GPR84: variants seen among roughly 807,000 people sequenced by gnomAD.
The protein encoded by GPR84 is G-protein coupled receptor 84.
GPR84 carries 8 observed loss-of-function variants against 14.9 expected under a neutral mutation model. The ratio of observed to expected loss-of-function variants is 0.54; its 90% CI spans 0.31 to 0.97. GPR84 has a LOEUF of 0.97. GPR84 is among the 50% of genes least tolerant of loss of function. The pLI is 0.04. For synonymous variants in GPR84, 164 were observed against 198.1 expected (o/e 0.83, Z 1.45); for missense variants, 424 against 498.7 (o/e 0.85, Z 1.43).
downstream of GPR84, among the ~76,000 whole-genome samples, chr12:54,359,624 CAAAG>C (rs774647406): frequency 3.3e-5 from 5 of 152,216 alleles, no homozygotes; most frequent in African/African-American, 9.6e-5. Context: ...GATAAAGAGA[CAAAG>C]AGAGACAGAC....
the GPR84 span, among the ~76,000 whole-genome samples, chr12:54,357,324 G>A: frequency 1.3e-5 from 2 of 152,156 alleles, no homozygotes; most frequent in African/African-American, 2.4e-5. Context: ...GGAGGGCATG[G>A]GGGATGGGGG....
chr12:54,358,883 C>T (rs1372179942), downstream of GPR84, among the ~76,000 whole-genome samples: 2 of 152,078 alleles, frequency 1.3e-5, no homozygotes, highest in Non-Finnish European at 2.9e-5. Context: ...GCTCGGAATC[C>T]TCTCTCCCTG....
downstream of GPR84, among the ~76,000 whole-genome samples, chr12:54,360,210 C>T (rs181269735): frequency 2.4e-4 from 36 of 152,288 alleles, 1 homozygote; most frequent in Admixed American, 1.8e-3. Context: ...ACGTACTAGG[C>T]ATTCGGCCTT....
chr12:54,360,271 GAAATT>G (rs890848907), downstream of GPR84, among the ~76,000 whole-genome samples: 7 of 146,038 alleles, frequency 4.8e-5, no homozygotes, highest in African/African-American at 2.0e-4. Flanking sequence ...TTGTAAGAAA[GAAATT>G]ATAATAGATA....
rs1316029729 is a variant in GPR84, at chr12:54,362,659, T to A, written c.*2A>T. 2.3e-5 allele frequency: 36 copies of A among 1,587,624 alleles called. No individual in the cohort carries two copies. The Admixed American group carries it at 6.2e-4, about 27-fold the overall frequency. ...TGAATTCTGGTGACTAGGGTCACAGTTCTAATGGAGCCTATGGAAACTCCG... is the reference window on the plus strand; with the variant it reads ...TGAATTCTGGTGACTAGGGTCACAGATCTAATGGAGCCTATGGAAACTCCG... On this transcript the variant is annotated 3_prime_UTR_variant, in exon 2 of 2. Transcript: ENST00000267015. The surrounding 1 kb of genome is among the most constrained non-coding windows in gnomAD (Gnocchi z 4.0).
In GPR84 at chr12:54,362,700, A is replaced by G. The variant is rs778455130; in HGVS notation, c.1152T>C (p.Ile384=). The G allele has an allele frequency of 3.1e-6, 5 of 1,611,652 alleles. No individual in the cohort carries two copies. Among genetic ancestry groups the G allele is most frequent in the Non-Finnish European group, 4.2e-6 (5 of 1,178,332 alleles). The change falls in exon 2 of 2, where the codon ATT becomes ATC. Residue 384 remains isoleucine (I), a synonymous_variant. Coordinates refer to ENST00000267015, the MANE Select transcript of GPR84 (RefSeq NM_020370.3). The surrounding 1 kb of genome is among the most constrained non-coding windows in gnomAD (Gnocchi z 4.0). The part of the protein sequence containing the change: ...NRQFRQAYGS[I]LKRGPRSFHR... ...GGAAACTCCGGGGCCCTCTTTTTAA[A>G]ATGGAGCCATATGCTTGGCGGAATT...
chr12:54,359,530 G>A (rs1320025050), downstream of GPR84, among the ~76,000 whole-genome samples: 1 of 152,190 alleles, frequency 6.6e-6, no homozygotes, highest in East Asian at 1.9e-4. Flanking sequence ...GAGACGGACA[G>A]ATGGAAAGAG....
the GPR84 span, among the ~76,000 whole-genome samples, chr12:54,355,591 A>G: frequency 1.3e-5 from 2 of 150,932 alleles, no homozygotes; most frequent in Non-Finnish European, 3.0e-5. Flanking sequence ...GAAGAGCCCC[A>G]TCCCCTCACT....
In GPR84 at chr12:54,362,936, T is replaced by C. The variant is rs774457864; in HGVS notation, c.916A>G (p.Arg306Gly). The stretch of plus-strand genomic sequence containing the variant: ...AATTCCGATGAAGAATCCGGAGCTC[T>C]TCTGGCTCCTTTAATTGGCTGGGCT... ...AKAQPIKGAR[R>G]APDSSSEFGK... The change falls in exon 2 of 2, where the codon AGA becomes GGA. Residue 306 changes from arginine (R) to glycine (G), a missense_variant. Coordinates refer to ENST00000267015, the MANE Select transcript of GPR84 (RefSeq NM_020370.3). This position sits in a 1 kb window ranked among gnomAD's most constrained non-coding sequence, Gnocchi z 4.0. 2.7e-5 allele frequency: 44 copies of C among 1,614,216 alleles called. No individual in the cohort carries two copies. The highest frequency in any genetic ancestry group is 3.6e-5 in the Non-Finnish European group (43 of 1,180,014).
At chr12:54,353,882 C>T in the GPR84 span, 2 of 152,220 alleles carry the variant, frequency 1.3e-5, no homozygotes, top group African/African-American at 2.4e-5. Flanking sequence ...AAAAAGGTCT[C>T]TGAGAACTTC....
At chr12:54,350,875 G>C in the GPR84 span, 1 of 294,232 alleles carries the variant, frequency 3.4e-6, no homozygotes, top group East Asian at 6.8e-5. Flanking sequence ...GTAGGAGAAA[G>C]AATGTGCTGA....
chr12:54,360,695 TA>T (rs1321864779), downstream of GPR84, among the ~76,000 whole-genome samples: 1 of 152,116 alleles, frequency 6.6e-6, no homozygotes, highest in African/African-American at 2.4e-5. Flanking sequence ...TTTCTGCCCT[TA>T]ATATCTTCAG....
chr12:54,359,020 T>C (rs1312023666), downstream of GPR84, among the ~76,000 whole-genome samples: 1 of 150,624 alleles, frequency 6.6e-6, no homozygotes, highest in Non-Finnish European at 1.5e-5. Context: ...CAGTTTCCCC[T>C]CCCAGTGGAC....
downstream of GPR84, among the ~76,000 whole-genome samples, chr12:54,357,601 G>A (rs1954223889): frequency 6.6e-6 from 1 of 152,126 alleles, no homozygotes; most frequent in African/African-American, 2.4e-5. Flanking sequence ...AGTGAGGGTG[G>A]GCAGGTTGGA....
chr12:54,362,393 C>T (rs1205649583), downstream of GPR84: 5 of 376,498 alleles, frequency 1.3e-5, no homozygotes, highest in Non-Finnish European at 2.4e-5. This position sits in a 1 kb window ranked among gnomAD's most constrained non-coding sequence, Gnocchi z 4.0. Context: ...AGCCTGGCCC[C>T]TGAGCCTAAC....
At chr12:54,354,596 C>CTTT in the GPR84 span, among the ~76,000 whole-genome samples, 9 of 128,624 alleles carry the variant, frequency 7.0e-5, no homozygotes, top group Admixed American at 2.4e-4. Flanking sequence ...CTATGCCTAG[C>CTTT]TTTTTTTTTT....
downstream of GPR84, among the ~76,000 whole-genome samples, chr12:54,362,223 C>A (rs1490774859): frequency 6.6e-6 from 1 of 152,168 alleles, no homozygotes; most frequent in Non-Finnish European, 1.5e-5. The surrounding 1 kb of genome is among the most constrained non-coding windows in gnomAD (Gnocchi z 4.0). Context: ...TGTCCCAGGC[C>A]AGCTGCTTCC....
downstream of GPR84, among the ~76,000 whole-genome samples, chr12:54,358,838 T>C (rs1215713160): frequency 6.6e-6 from 1 of 152,098 alleles, no homozygotes; most frequent in African/African-American, 2.4e-5. Context: ...CTTTCTGTCA[T>C]CCTTTTGCCC....
At chr12:54,352,390 A>T in the GPR84 span, among the ~76,000 whole-genome samples, 1 of 151,778 alleles carries the variant, frequency 6.6e-6, no homozygotes, top group Non-Finnish European at 1.5e-5. Flanking sequence ...GGGCTGGCGC[A>T]GCGCCTGGCC....
Sources: allele counts gnomAD v4.1 joint callset (sites outside exome capture counted in the v4.1 genomes callset), GRCh38; gene constraint gnomAD v4.1.1; non-coding constraint Gnocchi (gnomAD v3.1); transcripts MANE v1.5; gene names NCBI Gene and HGNC (gene_info 2026-07-23, HGNC 2026-07-21).